Variants in ADNP2 observed in about 807,000 individuals in gnomAD.
The protein encoded by ADNP2 is ADNP homeobox 2.
Under a neutral mutation model 16.4 loss-of-function variants are expected in ADNP2, and 8 were observed. The observed-to-expected ratio is 0.49, with a 90% CI of 0.29 to 0.88. The LOEUF (loss-of-function observed/expected upper bound fraction) is 0.88. Ranked by LOEUF, ADNP2 falls within the 40% of genes least tolerant of loss-of-function variation. ADNP2 has a pLI of 0.09. For missense variants in ADNP2, 1,397 were observed against 1,395.1 expected, an observed-to-expected ratio of 1.00 and a Z score of -0.02; for synonymous variants, 637 against 545.8, an observed-to-expected ratio of 1.17 and a Z score of -2.33.
Position 80,137,418 on chromosome 18 carries a change from G to C in ADNP2, c.2005G>C (p.Ala669Pro). The change falls in exon 4 of 4, where the codon GCT becomes CCT. Residue 669 changes from alanine (A) to proline (P), a missense_variant. By Grantham distance (27) the Ala-to-Pro change is conservative. Transcript: ENST00000262198. This position sits in a 1 kb window ranked among gnomAD's most constrained non-coding sequence, Gnocchi z 4.2. ...MPSPPVLVNA[A>P]QSVFVQASSS... Reference sequence around the variant, plus strand: ...CTCTCCTCCAGTGCTGGTGAATGCTGCTCAGAGCGTGTTTGTTCAGGCCTC... The same window carrying C: ...CTCTCCTCCAGTGCTGGTGAATGCTCCTCAGAGCGTGTTTGTTCAGGCCTC... 1 of 1,614,174 alleles carries C rather than the reference G, an allele frequency of 6.2e-7. No individual in the cohort carries two copies. Among genetic ancestry groups the C allele is most frequent in the African/African-American group, 1.3e-5 (1 of 75,062 alleles).
intron 3 of ADNP2, among the ~76,000 whole-genome samples, chr18:80,134,897 C>G (rs1478752822): frequency 6.6e-6 from 1 of 152,108 alleles, no homozygotes; most frequent in Admixed American, 6.5e-5. Context: ...TGGCTCCTAC[C>G]TTCTCTAGAA....
intron 2 of ADNP2, among the ~76,000 whole-genome samples, chr18:80,120,332 T>G (rs992807388): frequency 2.4e-5 from 3 of 127,280 alleles, no homozygotes; most frequent in Admixed American, 8.5e-5. Flanking sequence ...GTATATTCTT[T>G]TCTTTTTTTT....
chr18:80,136,950 C>T lies in ADNP2; in HGVS notation c.1537C>T (p.Gln513Ter), dbSNP rs759826748. The change falls in exon 4 of 4, where the codon CAG becomes TAG. Residue 513 changes from glutamine (Q) to a stop codon, truncating the protein, a stop_gained. Coordinates refer to ENST00000262198, the MANE Select transcript of ADNP2 (RefSeq NM_014913.4). LOFTEE classifies it low-confidence loss of function (END_TRUNC). ...TAPLRVISAG[Q>*]VVPSGLLSPN... ...CCCATTGAGGGTTATCTCTGCAGGCCAGGTGGTCCCGTCTGGGCTTCTTTC... is the reference window on the plus strand; with the variant it reads ...CCCATTGAGGGTTATCTCTGCAGGCTAGGTGGTCCCGTCTGGGCTTCTTTC... 6.2e-7 allele frequency: 1 copy of T among 1,613,954 alleles called. No homozygotes were observed. Among genetic ancestry groups the T allele is most frequent in the Non-Finnish European group, 8.5e-7 (1 of 1,179,852 alleles).
At chr18:80,112,393 C>T (rs1395152571) in intron 1 of ADNP2, among the ~76,000 whole-genome samples, 5 of 151,654 alleles carry the variant, frequency 3.3e-5, no homozygotes, top group African/African-American at 4.8e-5. Context: ...TATTTTTTAT[C>T]CTTTGTTGGT....
Position 80,137,367 on chromosome 18 carries a change from A to G in ADNP2, c.1954A>G (p.Met652Val), listed in dbSNP as rs769877516. ...QLLPSGAAAPMAGSMPGMPSP... is the reference protein window; with the variant it reads ...QLLPSGAAAPVAGSMPGMPSP... ...CCTGCCGTCAGGTGCAGCTGCACCA[A>G]TGGCCGGTTCCATGCCCGGCATGCC... Residue 652 changes from methionine (M) to valine (V), a missense_variant, in exon 4 of 4, where the codon ATG becomes GTG. Transcript: ENST00000262198. The surrounding 1 kb of genome is among the most constrained non-coding windows in gnomAD (Gnocchi z 4.2). The G allele has an allele frequency of 1.7e-5, 27 of 1,614,028 alleles. No individual in the cohort carries two copies. The highest frequency in any genetic ancestry group is 4.5e-5 in the East Asian group (2 of 44,884).
chr18:80,130,264 A>G (rs991565115), intron 2 of ADNP2, among the ~76,000 whole-genome samples: 1 of 152,106 alleles, frequency 6.6e-6, no homozygotes, highest in Non-Finnish European at 1.5e-5. Flanking sequence ...GAGCATTTGT[A>G]CTTATACTTT....
In ADNP2 at chr18:80,112,959, G is replaced by C. The variant is rs564333790; in HGVS notation, c.-14+3487G>C. ...GAGAAGAACCCCAGAGGATAGAGAG[G>C]ATAGTGGAACTTTAAGGAGGAAATG... On this transcript the variant is annotated intron_variant, in intron 1 of 3. Transcript: ENST00000262198. Among the ~76,000 whole-genome samples, 97 of 152,346 alleles carry C rather than the reference G, an allele frequency of 6.4e-4. 2 individuals are homozygous for C. The highest frequency in any genetic ancestry group is 9.4e-4 in the Non-Finnish European group (64 of 68,036).
In ADNP2 at chr18:80,136,946, A is replaced by T; in HGVS notation, c.1533A>T (p.Ala511=). The stretch of plus-strand genomic sequence containing the variant: ...CAGCCCCATTGAGGGTTATCTCTGC[A>T]GGCCAGGTGGTCCCGTCTGGGCTTC... The part of the protein sequence containing the change: ...GQTAPLRVIS[A]GQVVPSGLLS... The change falls in exon 4 of 4, where the codon GCA becomes GCT. Residue 511 remains alanine, a synonymous_variant. Coordinates refer to ENST00000262198, the MANE Select transcript of ADNP2 (RefSeq NM_014913.4). The T allele has an allele frequency of 6.2e-7, 1 of 1,613,752 alleles. No individual in the cohort carries two copies. The highest frequency in any genetic ancestry group is 8.5e-7 in the Non-Finnish European group (1 of 1,179,792).
chr18:80,128,898 T>A (rs750613540), intron 2 of ADNP2, among the ~76,000 whole-genome samples: 1 of 152,136 alleles, frequency 6.6e-6, no homozygotes, highest in Non-Finnish European at 1.5e-5. Flanking sequence ...CACATTTCTG[T>A]CATTCAGAAG....
At chr18:80,111,565 CAT>C (rs1491289241) in intron 1 of ADNP2, among the ~76,000 whole-genome samples, 4 of 101,148 alleles carry the variant, frequency 4.0e-5, no homozygotes, top group African/African-American at 3.8e-5. Flanking sequence ...ACCTGAATGA[CAT>C]TTTTTTTTTT....
chr18:80,128,719 A>C (rs1447732434), intron 2 of ADNP2, among the ~76,000 whole-genome samples: 1 of 152,216 alleles, frequency 6.6e-6, no homozygotes, highest in African/African-American at 2.4e-5. Context: ...GTTAGTTCTG[A>C]ATTGACTTGG....
chr18:80,113,383 TC>T (rs2145189501), intron 1 of ADNP2, among the ~76,000 whole-genome samples: 1 of 152,298 alleles, frequency 6.6e-6, no homozygotes, highest in Admixed American at 6.5e-5. Flanking sequence ...CAAAAATTTC[TC>T]CCTATTATAT....
intron 1 of ADNP2, among the ~76,000 whole-genome samples, chr18:80,116,079 C>A (rs1245629382): frequency 6.6e-6 from 1 of 152,192 alleles, no homozygotes; most frequent in Non-Finnish European, 1.5e-5. Context: ...GTTGTGCTTT[C>A]TATGGATTTG....
rs9916895 is a variant in ADNP2 at position 80,130,367 on chromosome 18, G to A, written c.109-2736G>A. Among the ~76,000 whole-genome samples, 256 of 152,178 alleles carry A rather than the reference G, an allele frequency of 1.7e-3. 1 individual carries two copies. Among genetic ancestry groups the A allele is most frequent in the African/African-American group, 5.9e-3 (245 of 41,514 alleles). On this transcript the variant is annotated intron_variant, in intron 2 of 3. Transcript: ENST00000262198. ...TATCACGCGATTATGGACTTGATAC[G>A]TCTTTATGCTCACTTCTTAATACAG...
In ADNP2 at chr18:80,117,516, T is replaced by C. The variant is rs371144331; in HGVS notation, c.-13-14T>C. The C allele has an allele frequency of 2.8e-4, 439 of 1,540,794 alleles. No homozygotes were observed. Among genetic ancestry groups the C allele is most frequent in the Non-Finnish European group, 3.4e-4 (390 of 1,135,350 alleles). On this transcript the variant is annotated splice_polypyrimidine_tract_variant and intron_variant, in intron 1 of 3. Transcript: ENST00000262198. ...ACATGTACTTATTACAGTTTTGTTT[T>C]CTTTCCTTTTAAGGAAAATTTCAAA...
In ADNP2 at chr18:80,138,838, T is replaced by A; in HGVS notation, c.*29T>A. On this transcript the variant is annotated 3_prime_UTR_variant, in exon 4 of 4. Coordinates refer to ENST00000262198, the MANE Select transcript of ADNP2 (RefSeq NM_014913.4). ...TTGCAAAAAAAAAAAAAAGTAACTC[T>A]AAAGTAGTAGGTAGATTTTTTTCAG... 1 of 1,408,840 alleles carries A rather than the reference T, an allele frequency of 7.1e-7. No individual in the cohort carries two copies. 87.3% of individuals were successfully genotyped at this position (1,408,840 alleles called of 1,614,324 possible).
At position 80,138,818 on chromosome 18, in the gene ADNP2, A is replaced by AC; in HGVS notation, c.*9_*10insC. 2 of 1,419,634 alleles carry AC rather than the reference A, an allele frequency of 1.4e-6. No individual in the cohort carries two copies. Among genetic ancestry groups the AC allele is most frequent in the Non-Finnish European group, 1.9e-6 (2 of 1,075,378 alleles). The allele number at this position is 1,419,634 out of a possible 1,614,324, so 87.9% of individuals were successfully genotyped here. ...TTGAATATGAACCATAAAACTTGCA[A>AC]AAAAAAAAAAAAGTAACTCTAAAGT... On this transcript the variant is annotated 3_prime_UTR_variant, in exon 4 of 4. Transcript: ENST00000262198.
Position 80,117,516 on chromosome 18 carries a change from TCTTTC to T in ADNP2, c.-13-9_-13-5del, listed in dbSNP as rs2052396989. Reference sequence around the variant, plus strand: ...ACATGTACTTATTACAGTTTTGTTTTCTTTCCTTTTAAGGAAAATTTCAAAAATGT... The same window carrying T: ...ACATGTACTTATTACAGTTTTGTTTTCTTTTAAGGAAAATTTCAAAAATGT... On this transcript the variant is annotated splice_polypyrimidine_tract_variant and intron_variant, in intron 1 of 3. Transcript: ENST00000262198. 2 of 1,540,794 alleles carry T rather than the reference TCTTTC, an allele frequency of 1.3e-6. No homozygotes were observed. Among genetic ancestry groups the T allele is most frequent in the Non-Finnish European group, 1.8e-6 (2 of 1,135,350 alleles).
chr18:80,134,553 A>G (rs1251994634), intron 3 of ADNP2, among the ~76,000 whole-genome samples: 1 of 151,658 alleles, frequency 6.6e-6, no homozygotes, highest in Non-Finnish European at 1.5e-5. Flanking sequence ...GGAACTGGGG[A>G]GCAGGTGTTT....
Sources: allele counts gnomAD v4.1 joint callset (sites outside exome capture counted in the v4.1 genomes callset), GRCh38; gene constraint gnomAD v4.1.1; non-coding constraint Gnocchi (gnomAD v3.1); transcripts MANE v1.5; gene names NCBI Gene and HGNC (gene_info 2026-07-23, HGNC 2026-07-21).